BMERB1: variants seen among roughly 807,000 people sequenced by gnomAD.
The protein encoded by BMERB1 is bMERB domain-containing protein 1.
Under a neutral mutation model 23.6 loss-of-function variants are expected in BMERB1, and 12 were observed. The ratio of observed to expected loss-of-function variants is 0.51; its 90% CI spans 0.33 to 0.82. The LOEUF is 0.82. BMERB1 is among the 40% of genes least tolerant of loss of function. The pLI, the probability that BMERB1 is intolerant of heterozygous loss-of-function variation, is 0.03. For synonymous variants in BMERB1, 122 were observed against 96.6 expected (o/e 1.26, Z -1.54); for missense variants, 247 against 255.4 (o/e 0.97, Z 0.22).
At chr16:15,550,427 G>A (rs1159321599) in intron 2 of BMERB1, among the ~76,000 whole-genome samples, 1 of 151,988 alleles carries the variant, frequency 6.6e-6, no homozygotes, top group Non-Finnish European at 1.5e-5. Flanking sequence ...CTGCCTCCCA[G>A]GTTCAAGCGA....
intron 1 of BMERB1, among the ~76,000 whole-genome samples, chr16:15,511,839 C>T (rs1184958871): frequency 6.6e-6 from 1 of 151,924 alleles, no homozygotes; most frequent in Non-Finnish European, 1.5e-5. Flanking sequence ...TGGCGAAACC[C>T]TGTCTCTACT....
intron 1 of BMERB1, among the ~76,000 whole-genome samples, chr16:15,465,899 G>A (rs1416923795): frequency 6.6e-6 from 1 of 152,186 alleles, no homozygotes; most frequent in Non-Finnish European, 1.5e-5. Flanking sequence ...ATTTATGCAT[G>A]TTGAAACATG....
At chr16:15,552,764 C>T (rs905857740) in intron 2 of BMERB1, among the ~76,000 whole-genome samples, 14 of 152,230 alleles carry the variant, frequency 9.2e-5, no homozygotes, top group South Asian at 2.1e-4. Context: ...AGGGCTGACA[C>T]GTAGTAGGCG....
chr16:15,495,700 CT>C (rs1451344234), intron 1 of BMERB1, among the ~76,000 whole-genome samples: 1 of 152,164 alleles, frequency 6.6e-6, no homozygotes, highest in Non-Finnish European at 1.5e-5. Context: ...CTTCTCATTT[CT>C]CTTCTCTAAG....
intron 1 of BMERB1, among the ~76,000 whole-genome samples, chr16:15,445,457 G>A (rs987054480): frequency 2.1e-4 from 32 of 152,182 alleles, no homozygotes; most frequent in African/African-American, 7.7e-4. Context: ...GGAGCAAAGA[G>A]GAGGGGCTTA....
intron 3 of BMERB1, among the ~76,000 whole-genome samples, chr16:15,569,933 G>T (rs1021027819): frequency 7.2e-5 from 11 of 152,152 alleles, no homozygotes; most frequent in African/African-American, 2.7e-4. Flanking sequence ...AGTTTAGTTG[G>T]TGGAAAAGGT....
intron 2 of BMERB1, among the ~76,000 whole-genome samples, chr16:15,556,905 A>G (rs2030276062): frequency 6.6e-6 from 1 of 151,948 alleles, no homozygotes; most frequent in Non-Finnish European, 1.5e-5. Flanking sequence ...TCTTTTTCTC[A>G]CCTGTCTTAA....
intron 2 of BMERB1, among the ~76,000 whole-genome samples, chr16:15,534,300 A>AG: frequency 7.3e-6 from 1 of 136,544 alleles, no homozygotes; most frequent in East Asian, 2.3e-4. Flanking sequence ...AAAAAAAAAA[A>AG]AAAAAAAAAA....
intron 3 of BMERB1, among the ~76,000 whole-genome samples, chr16:15,577,485 G>C (rs1246656328): frequency 6.6e-6 from 1 of 152,162 alleles, no homozygotes; most frequent in Non-Finnish European, 1.5e-5. Flanking sequence ...CAGAGTGAGA[G>C]ACCGAGGCAA....
intron 1 of BMERB1, among the ~76,000 whole-genome samples, chr16:15,466,508 G>A (rs1367608757): frequency 6.6e-6 from 1 of 151,792 alleles, no homozygotes; most frequent in Non-Finnish European, 1.5e-5. Context: ...ATTTCAGCTT[G>A]TGGCCTGTCT....
chr16:15,513,751 G>A (rs1007507317), intron 1 of BMERB1, among the ~76,000 whole-genome samples: 4 of 151,980 alleles, frequency 2.6e-5, no homozygotes, highest in African/African-American at 7.3e-5. Context: ...AAAATTAGCC[G>A]GGTGTCGTGG....
chr16:15,497,146 G>A (rs1306098853), intron 1 of BMERB1, among the ~76,000 whole-genome samples: 9 of 152,172 alleles, frequency 5.9e-5, no homozygotes, highest in East Asian at 1.9e-4. Flanking sequence ...ACAGAAGGCC[G>A]ACACTGAGAC....
At chr16:15,560,411 A>G (rs140169290) in intron 2 of BMERB1, among the ~76,000 whole-genome samples, 1 of 152,364 alleles carries the variant, frequency 6.6e-6, no homozygotes, top group East Asian at 1.9e-4. Context: ...GCATACTTTC[A>G]TCTTCCTTCT....
intron 1 of BMERB1, among the ~76,000 whole-genome samples, chr16:15,467,245 T>C (rs765402074): frequency 7.9e-5 from 12 of 152,228 alleles, no homozygotes; most frequent in Non-Finnish European, 1.5e-4. Flanking sequence ...AATGCATATT[T>C]AGCCTTATAA....
intron 1 of BMERB1, chr16:15,448,022 C>T (rs547753492): frequency 5.3e-5 from 22 of 412,856 alleles, no homozygotes; most frequent in South Asian, 3.3e-4. Context: ...CCTGAGTAGC[C>T]GGAATTACAG....
At chr16:15,481,958 T>A (rs550682036) in intron 1 of BMERB1, among the ~76,000 whole-genome samples, 1 of 152,054 alleles carries the variant, frequency 6.6e-6, no homozygotes, top group African/African-American at 2.4e-5. Context: ...CTTGAACTCC[T>A]GACCTCAAGT....
intron 1 of BMERB1, among the ~76,000 whole-genome samples, chr16:15,512,193 C>T (rs946187964): frequency 6.6e-6 from 1 of 152,012 alleles, no homozygotes; most frequent in Non-Finnish European, 1.5e-5. Context: ...ACGGACACAT[C>T]ACGGGGTAGG....
rs1311320518 is a variant in BMERB1 at position 15,587,979 on chromosome 16, A to T, written c.*1150A>T. 6.6e-6 allele frequency: 1 copy of T among 152,550 alleles called. No homozygotes were observed. Among genetic ancestry groups the T allele is most frequent in the Non-Finnish European group, 1.5e-5 (1 of 68,138 alleles). 9.4% of individuals were successfully genotyped at this position (152,550 alleles called of 1,614,324 possible). A position where few individuals can be genotyped will look rare whatever the true frequency, so the allele number is the denominator to read the frequency against. The stretch of plus-strand genomic sequence containing the variant: ...CGTTCACAGCATTTTAAAAGTTTTT[A>T]CTTTTTTTCTTGATTATGGAAGTAA... On this transcript the variant is annotated 3_prime_UTR_variant, in exon 6 of 6. Transcript: ENST00000300006.
chr16:15,562,903 GACA>G (rs1005025008), intron 2 of BMERB1, among the ~76,000 whole-genome samples: 79 of 152,314 alleles, frequency 5.2e-4, no homozygotes, highest in Admixed American at 4.8e-3. Flanking sequence ...GCGTGCCTCT[GACA>G]ACAAGAGATG....
Sources: gnomAD v4.1 joint callset for allele counts (sites outside exome capture counted in the v4.1 genomes callset) on GRCh38, gnomAD v4.1.1 for gene constraint, MANE v1.5 for transcripts, NCBI Gene and HGNC (gene_info 2026-07-23, HGNC 2026-07-21) for gene names.